Variants in FN1 observed in about 807,000 individuals in gnomAD.
FN1 encodes the protein fibronectin.
In FN1, 106 loss-of-function variants were observed where a neutral mutation model predicts 297.3. That is an observed-to-expected ratio of 0.36 (90% CI 0.30 to 0.42). FN1 has a LOEUF of 0.42. Among genes scored for constraint, FN1 ranks in the 10% least tolerant of loss-of-function variants. The pLI is 1.00. For synonymous variants in FN1, 1,149 were observed against 1,152.6 expected, an observed-to-expected ratio of 1.00 and a Z score of 0.06; for missense variants, 2,690 against 3,124.9, an observed-to-expected ratio of 0.86 and a Z score of 3.32.
At chr2:215,412,708 T>C (rs1308882997) in intron 13 of FN1, among the ~76,000 whole-genome samples, 1 of 151,942 alleles carries the variant, frequency 6.6e-6, no homozygotes, top group Non-Finnish European at 1.5e-5. Context: ...TGTATCATTA[T>C]ATTTGTTCTT....
chr2:215,430,936 A>G, intron 4 of FN1, 84 bp from the exon 5 acceptor site: 1 of 1,486,878 alleles, frequency 6.7e-7, no homozygotes, highest in Non-Finnish European at 9.3e-7. Context: ...TGTAGTGTGT[A>G]AGCAAAAATT....
At chr2:215,391,588 G>T in intron 26 of FN1, 44 bp downstream of exon 26, 2 of 1,526,526 alleles carry the variant, frequency 1.3e-6, no homozygotes, top group Non-Finnish European at 1.8e-6. Context: ...CATTTGCTAT[G>T]CTCTAGGTTA....
intron 3 of FN1, among the ~76,000 whole-genome samples, chr2:215,432,404 G>A (rs914371644): frequency 6.6e-6 from 1 of 152,180 alleles, no homozygotes; most frequent in African/African-American, 2.4e-5. Context: ...CATTTTGGTG[G>A]AAAGCAAACA....
chr2:215,435,797 A>C lies in FN1; in HGVS notation c.6T>G (p.Leu2=). Residue 2 remains leucine (L), a synonymous_variant, in exon 1 of 46, where the codon CTT becomes CTG. Transcript: ENST00000354785. Reference sequence around the variant, plus strand: ...GCAGCAGCCCGGGCCCCGGACCCCTAAGCATGTTGAGACGGTGGGGGAGAG... The same window carrying C: ...GCAGCAGCCCGGGCCCCGGACCCCTCAGCATGTTGAGACGGTGGGGGAGAG... M[L]RGPGPGLLLL... is the part of the protein sequence containing the mutation. 1 of 1,556,782 alleles carries C rather than the reference A, an allele frequency of 6.4e-7. No individual in the cohort carries two copies. Among genetic ancestry groups the C allele is most frequent in the South Asian group, 1.2e-5 (1 of 85,728 alleles).
At chr2:215,375,574 A>T in intron 37 of FN1, 55 bp downstream of exon 37, 1 of 1,369,552 alleles carries the variant, frequency 7.3e-7, no homozygotes, top group Non-Finnish European at 1.0e-6. Flanking sequence ...TTTTGAGTTC[A>T]TGAAACTGAT....
chr2:215,399,779 G>A lies in FN1; in HGVS notation c.3254-428C>T, dbSNP rs76077970. Among the ~76,000 whole-genome samples the A allele has an allele frequency of 1.2e-4, 18 of 152,132 alleles. No individual in the cohort carries two copies. In the East Asian group the frequency reaches 2.3e-3, roughly 20 times the overall value. On this transcript the variant is annotated intron_variant, in intron 20 of 45. Coordinates refer to ENST00000354785, the MANE Select transcript of FN1 (RefSeq NM_212482.4). ...TGATGACAATAAATTTCCCTATATC[G>A]TCAGTGTAAAATCCCTTATAAAATG...
chr2:215,399,360 G>C lies in FN1; in HGVS notation c.3254-9C>G. Reference sequence around the variant, plus strand: ...AGAGCTCCCAGGCTGCACTGTGAGAGAGAATCAATGCACATATTCAAAACT... The same window carrying C: ...AGAGCTCCCAGGCTGCACTGTGAGACAGAATCAATGCACATATTCAAAACT... On this transcript the variant is annotated splice_polypyrimidine_tract_variant and intron_variant, in intron 20 of 45. Transcript: ENST00000354785. 2.5e-6 allele frequency: 4 copies of C among 1,576,800 alleles called. No individual in the cohort carries two copies. Among genetic ancestry groups the C allele is most frequent in the East Asian group, 2.2e-5 (1 of 44,716 alleles).
intron 28 of FN1, among the ~76,000 whole-genome samples, 153 bp downstream of exon 28, chr2:215,386,536 A>C: frequency 7.0e-6 from 1 of 142,300 alleles, no homozygotes; most frequent in Admixed American, 7.0e-5. Flanking sequence ...ACATTTTCTC[A>C]CTTCCCTCTC....
At chr2:215,401,218 G>GA (rs1575569279) in intron 20 of FN1, among the ~76,000 whole-genome samples, 1 of 42,950 alleles carries the variant, frequency 2.3e-5, no homozygotes, top group South Asian at 6.4e-4. Context: ...AAGAAAGAAA[G>GA]AAAGAAAGAA....
intron 8 of FN1, 133 bp from the exon 9 acceptor site, chr2:215,423,659 T>G (rs2064837097): frequency 1.2e-6 from 1 of 826,570 alleles, no homozygotes; most frequent in African/African-American, 1.7e-5. Context: ...ATAAAAAATG[T>G]CTGATAATAT....
At chr2:215,402,925 G>T (rs1378451839) in intron 20 of FN1, among the ~76,000 whole-genome samples, 1 of 152,066 alleles carries the variant, frequency 6.6e-6, no homozygotes, top group Non-Finnish European at 1.5e-5. Flanking sequence ...CATTAAAAAT[G>T]CTTTTTCTTT....
Position 215,430,619 on chromosome 2 carries a change from C to T in FN1, c.685+96G>A, listed in dbSNP as rs899414977. 9 of 1,410,154 alleles carry T rather than the reference C, an allele frequency of 6.4e-6. No individual in the cohort carries two copies. The Admixed American group carries it at 1.4e-4, about 22-fold the overall frequency. 87.4% of individuals were successfully genotyped at this position (1,410,154 alleles called of 1,614,324 possible). Reference sequence around the variant, plus strand: ...GAAGTTACCAAAGCATGCTGATATACTGGATGTGTTCTGAGTAACATAGTA... The same window carrying T: ...GAAGTTACCAAAGCATGCTGATATATTGGATGTGTTCTGAGTAACATAGTA... On this transcript the variant is annotated intron_variant, in intron 5 of 45. Transcript: ENST00000354785.
chr2:215,419,708 TTAATA>T (rs1339935344), intron 11 of FN1, among the ~76,000 whole-genome samples: 4 of 152,230 alleles, frequency 2.6e-5, no homozygotes, highest in African/African-American at 7.2e-5. Flanking sequence ...TTTACCCATA[TTAATA>T]TAACTGGCTT....
At chr2:215,405,256 A>T (rs2106250364) in intron 19 of FN1, among the ~76,000 whole-genome samples, 1 of 152,368 alleles carries the variant, frequency 6.6e-6, no homozygotes, top group South Asian at 2.1e-4. Flanking sequence ...AATAACCAGC[A>T]GTTTTCCCAC....
intron 39 of FN1, among the ~76,000 whole-genome samples, chr2:215,373,014 GA>G (rs749924044): frequency 1.8e-4 from 27 of 152,092 alleles, no homozygotes; most frequent in Non-Finnish European, 3.4e-4. Flanking sequence ...AAATTCAACA[GA>G]AGGTATAAAA....
rs555735100 is a variant in FN1 at position 215,415,611 on chromosome 2, AATT to A, written c.1820-656_1820-654del. ...CCCAAATCACACCATTGATCCATCA[AATT>A]ATTAAGTGATTAAATTTATTTTTTT... On this transcript the variant is annotated intron_variant, in intron 12 of 45. Transcript: ENST00000354785. 4.9e-4 allele frequency among the ~76,000 whole-genome samples: 74 copies of A among 152,298 alleles called. No homozygotes were observed. In the South Asian group the frequency reaches 0.015, roughly 31 times the overall value.
Position 215,425,224 on chromosome 2 carries a change from A to C in FN1, c.906T>G (p.Pro302=). ...CTGTGACACAGTGGCCATAGGGAGG[A>C]GGCTGGGGGTGAGGCTGCGGTTGGT... The part of the protein sequence containing the change: ...AVYQPQPHPQ[P]PPYGHCVTDS... The change falls in exon 7 of 46, where the codon CCT becomes CCG. Residue 302 remains proline (P), a synonymous_variant. Transcript: ENST00000354785. The C allele has an allele frequency of 1.2e-6, 2 of 1,614,054 alleles. No homozygotes were observed. Among genetic ancestry groups the C allele is most frequent in the Non-Finnish European group, 1.7e-6 (2 of 1,180,014 alleles).
intron 38 of FN1, among the ~76,000 whole-genome samples, chr2:215,373,668 A>C (rs1490538178): frequency 9.0e-6 from 1 of 110,978 alleles, no homozygotes; most frequent in Non-Finnish European, 1.8e-5. Context: ...TTTCCAGGGT[A>C]TTCTTTTTTT....
chr2:215,386,579 T>G, intron 28 of FN1, 110 bp downstream of exon 28: 1 of 569,312 alleles, frequency 1.8e-6, no homozygotes. Flanking sequence ...TTTTTTTTTT[T>G]TTTTTTTTTT....
Sources: allele counts gnomAD v4.1 joint callset (sites outside exome capture counted in the v4.1 genomes callset), GRCh38; gene constraint gnomAD v4.1.1; transcripts MANE v1.5; gene names NCBI Gene and HGNC (gene_info 2026-07-23, HGNC 2026-07-21).